The following TTLL5 variants were observed in gnomAD, a reference collection of about 807,000 sequenced individuals.
The protein encoded by TTLL5 is tubulin tyrosine ligase like 5, also known as tubulin polyglutamylase TTLL5.
In TTLL5, 132 loss-of-function variants were observed where a neutral mutation model predicts 168.4. That is an observed-to-expected ratio of 0.78 (90% CI 0.68 to 0.91). TTLL5 has a LOEUF of 0.91. Among genes scored for constraint, TTLL5 ranks in the 40% least tolerant of loss-of-function variants. The probability of loss-of-function intolerance (pLI) is 0.00; values close to 1 mark genes in which losing one functional copy is unlikely to be tolerated. For synonymous variants in TTLL5, 546 were observed against 558.6 expected, an observed-to-expected ratio of 0.98 and a Z score of 0.32; for missense variants, 1,545 against 1,581.5, an observed-to-expected ratio of 0.98 and a Z score of 0.39.
chr14:75,775,666 G>T, intron 22 of TTLL5, 36 bp downstream of exon 22: 1 of 1,610,432 alleles, frequency 6.2e-7, no homozygotes, highest in Non-Finnish European at 8.5e-7. Flanking sequence ...GCTTTGGATT[G>T]CCATACACTG....
intron 10 of TTLL5, among the ~76,000 whole-genome samples, chr14:75,718,999 T>A (rs541064200): frequency 6.6e-6 from 1 of 152,178 alleles, no homozygotes; most frequent in South Asian, 2.1e-4. Context: ...CTGTGAAAGA[T>A]GAGCAAAGGC....
At chr14:75,705,240 G>A (rs2140167836) in intron 7 of TTLL5, among the ~76,000 whole-genome samples, 1 of 152,352 alleles carries the variant, frequency 6.6e-6, no homozygotes, top group South Asian at 2.1e-4. Context: ...GAGATGGGTT[G>A]TGAAAGCTGT....
intron 26 of TTLL5, among the ~76,000 whole-genome samples, chr14:75,784,658 A>G (rs1566603149): frequency 6.6e-6 from 1 of 152,166 alleles, no homozygotes; most frequent in Non-Finnish European, 1.5e-5. Context: ...CTTTTTGAGG[A>G]ACTTCTAAAC....
chr14:75,760,458 G>A (rs1304868402), intron 18 of TTLL5, among the ~76,000 whole-genome samples: 1 of 151,804 alleles, frequency 6.6e-6, no homozygotes, highest in Non-Finnish European at 1.5e-5. Context: ...CATTATTCTG[G>A]TAGATTTTTT....
intron 9 of TTLL5, among the ~76,000 whole-genome samples, chr14:75,713,264 T>A (rs1455525770): frequency 6.6e-6 from 1 of 152,260 alleles, no homozygotes; most frequent in Non-Finnish European, 1.5e-5. Flanking sequence ...CACAATGTAT[T>A]ACTTTTTCTA....
chr14:75,917,812 G>C (rs926921088), intron 31 of TTLL5, among the ~76,000 whole-genome samples: 1 of 152,178 alleles, frequency 6.6e-6, no homozygotes, highest in Non-Finnish European at 1.5e-5. Context: ...GGTAGGAGGT[G>C]GGGGAAAAGC....
intron 30 of TTLL5, among the ~76,000 whole-genome samples, chr14:75,889,745 G>A (rs191998115): frequency 8.0e-5 from 12 of 150,440 alleles, no homozygotes; most frequent in African/African-American, 2.2e-4. Flanking sequence ...CATGAGAATC[G>A]CTCGAGCCTG....
chr14:75,908,689 C>T (rs1217986369), intron 31 of TTLL5, among the ~76,000 whole-genome samples: 1 of 152,126 alleles, frequency 6.6e-6, no homozygotes, highest in Non-Finnish European at 1.5e-5. Flanking sequence ...TATTTAAATA[C>T]CTACATTGTT....
intron 28 of TTLL5, among the ~76,000 whole-genome samples, chr14:75,827,859 A>G (rs1315821043): frequency 6.6e-6 from 1 of 151,540 alleles, no homozygotes; most frequent in African/African-American, 2.4e-5. Context: ...CTGGGACTAC[A>G]TGTGTGCACC....
chr14:75,925,164 G>C (rs1440983124), intron 31 of TTLL5, among the ~76,000 whole-genome samples: 3 of 148,360 alleles, frequency 2.0e-5, no homozygotes, highest in Non-Finnish European at 4.5e-5. Context: ...CCTCCCGGAC[G>C]GGGCGGCTGG....
intron 31 of TTLL5, among the ~76,000 whole-genome samples, chr14:75,912,891 T>C (rs989138960): frequency 1.3e-5 from 2 of 152,212 alleles, no homozygotes; most frequent in African/African-American, 4.8e-5. Flanking sequence ...TACACGTCAA[T>C]GAAGACAGTT....
chr14:75,937,004 A>G (rs1209912679), intron 31 of TTLL5, among the ~76,000 whole-genome samples: 1 of 152,228 alleles, frequency 6.6e-6, no homozygotes, highest in Non-Finnish European at 1.5e-5. Context: ...CTGGAGCAGA[A>G]TAAGTGATAG....
At chr14:75,787,051 T>C (rs1892408794) in intron 26 of TTLL5, among the ~76,000 whole-genome samples, 1 of 152,076 alleles carries the variant, frequency 6.6e-6, no homozygotes, top group African/African-American at 2.4e-5. Flanking sequence ...GAGAATTGCT[T>C]GAACCCGGGA....
chr14:75,914,159 T>A (rs1464637884), intron 31 of TTLL5, among the ~76,000 whole-genome samples: 3 of 150,590 alleles, frequency 2.0e-5, no homozygotes, highest in Non-Finnish European at 4.4e-5. Flanking sequence ...TCTTGTCGTT[T>A]AAAAAATTCC....
At chr14:75,770,003 ACT>A (rs977855517) in intron 20 of TTLL5, among the ~76,000 whole-genome samples, 1 of 151,792 alleles carries the variant, frequency 6.6e-6, no homozygotes, top group African/African-American at 2.4e-5. Flanking sequence ...ACATGGTGAA[ACT>A]CTATCTCTAT....
chr14:75,908,981 T>C (rs1157972297), intron 31 of TTLL5, among the ~76,000 whole-genome samples: 1 of 151,956 alleles, frequency 6.6e-6, no homozygotes, highest in Non-Finnish European at 1.5e-5. Context: ...TTTTGCCATA[T>C]TGCCCAGGCT....
intron 31 of TTLL5, among the ~76,000 whole-genome samples, chr14:75,903,442 G>A (rs930295115): frequency 1.3e-4 from 20 of 152,090 alleles, no homozygotes; most frequent in African/African-American, 4.8e-4. Context: ...GCAGGGAGTG[G>A]AAGGGGAAAA....
Position 75,746,704 on chromosome 14 carries a change from AG to A in TTLL5, c.1487+1125del, listed in dbSNP as rs1282187082. ...CAGCCTGCCAGGTAGCTAGGACTAC[AG>A]GTACATGCCACTGTGCATGACTCAT... is the stretch of plus-strand genomic sequence containing the variant. On this transcript the variant is annotated intron_variant, in intron 17 of 31. Coordinates refer to ENST00000298832, the MANE Select transcript of TTLL5 (RefSeq NM_015072.5). Among the ~76,000 whole-genome samples, 8 of 151,984 alleles carry A rather than the reference AG, an allele frequency of 5.3e-5. No individual in the cohort carries two copies. In the East Asian group the frequency reaches 1.5e-3, roughly 29 times the overall value.
intron 28 of TTLL5, among the ~76,000 whole-genome samples, chr14:75,824,723 ATG>A (rs1342791273): frequency 1.4e-5 from 2 of 148,010 alleles, no homozygotes; most frequent in Non-Finnish European, 3.0e-5. Context: ...ATTTAAAATT[ATG>A]TGTTTTTTTT....
Sources: gnomAD v4.1 joint callset for allele counts (sites outside exome capture counted in the v4.1 genomes callset) on GRCh38, gnomAD v4.1.1 for gene constraint, MANE v1.5 for transcripts, NCBI Gene and HGNC (gene_info 2026-07-23, HGNC 2026-07-21) for gene names.